Variants in ADCY1 observed in about 807,000 individuals in gnomAD.
ADCY1 encodes adenylate cyclase 1, also known as adenylate cyclase type 1.
ADCY1 carries 28 observed loss-of-function variants against 105.4 expected under a neutral mutation model. That is an observed-to-expected ratio of 0.27 (90% confidence interval 0.20 to 0.36). The LOEUF (loss-of-function observed/expected upper bound fraction) is 0.36. ADCY1 is among the 10% of genes least tolerant of loss of function. ADCY1 has a pLI of 1.00. For missense variants in ADCY1, 977 were observed against 1,434.2 expected, an observed-to-expected ratio of 0.68 and a Z score of 5.15; for synonymous variants, 655 against 623.8, an observed-to-expected ratio of 1.05 and a Z score of -0.75.
chr7:45,690,479 A>G (rs1310761069), intron 14 of ADCY1, among the ~76,000 whole-genome samples: 2 of 152,188 alleles, frequency 1.3e-5, no homozygotes, highest in East Asian at 3.9e-4. Context: ...GCAAAGAGGA[A>G]CTGGGAATGC....
chr7:45,657,921 G>T, intron 6 of ADCY1, 36 bp downstream of exon 6: 1 of 1,543,600 alleles, frequency 6.5e-7, no homozygotes, highest in Non-Finnish European at 8.8e-7. Context: ...GGAGGGAGGT[G>T]GGTGATGGCT....
intron 3 of ADCY1, among the ~76,000 whole-genome samples, chr7:45,614,028 G>T (rs1158567155): frequency 6.6e-6 from 1 of 152,102 alleles, no homozygotes; most frequent in Non-Finnish European, 1.5e-5. Context: ...TTCTTACATT[G>T]AAATGAAAGG....
intron 7 of ADCY1, among the ~76,000 whole-genome samples, chr7:45,661,223 C>T (rs1221412816): frequency 6.6e-6 from 1 of 152,084 alleles, no homozygotes; most frequent in Non-Finnish European, 1.5e-5. Flanking sequence ...AAGATAGGTA[C>T]AGTATACAGC....
At chr7:45,615,541 G>A (rs1442458869) in intron 3 of ADCY1, among the ~76,000 whole-genome samples, 3 of 152,172 alleles carry the variant, frequency 2.0e-5, no homozygotes, top group Admixed American at 2.0e-4. Context: ...TGAGGCTGCA[G>A]TGAGCTATGA....
chr7:45,577,150 G>C (rs959206134), intron 1 of ADCY1, among the ~76,000 whole-genome samples: 1 of 152,238 alleles, frequency 6.6e-6, no homozygotes, highest in South Asian at 2.1e-4. Context: ...TTCCCTGCTA[G>C]CTGTGACTCC....
At chr7:45,659,922 G>A (rs1330423602) in intron 6 of ADCY1, 120 bp from the exon 7 acceptor site, 25 of 1,302,560 alleles carry the variant, frequency 1.9e-5, no homozygotes, top group South Asian at 1.7e-4. Flanking sequence ...AATACTCCCC[G>A]TGGAGCCTGC....
At chr7:45,657,938 C>A in intron 6 of ADCY1, 53 bp downstream of exon 6, 2 of 1,539,008 alleles carry the variant, frequency 1.3e-6, no homozygotes, top group South Asian at 1.2e-5. Context: ...GGCTGTGCAC[C>A]CCTGGGCTAA....
chr7:45,658,860 G>A (rs912034863), intron 6 of ADCY1, among the ~76,000 whole-genome samples: 1 of 152,222 alleles, frequency 6.6e-6, no homozygotes, highest in African/African-American at 2.4e-5. Flanking sequence ...GAAGCAGCAA[G>A]GGTTGAGGCT....
rs1785336592 is a variant in ADCY1 at position 45,715,057 on chromosome 7, G to A, written c.*1062G>A. ...AATTGGCTGATGGTCGTGAGTGCAGGTGTCCCTGTTGTAATTTGCAGGGAA... is the reference window on the plus strand; with the variant it reads ...AATTGGCTGATGGTCGTGAGTGCAGATGTCCCTGTTGTAATTTGCAGGGAA... On this transcript the variant is annotated 3_prime_UTR_variant, in exon 20 of 20. Coordinates refer to ENST00000297323, the MANE Select transcript of ADCY1 (RefSeq NM_021116.4). 6.6e-6 allele frequency: 1 copy of A among 152,258 alleles called. No homozygotes were observed. Among genetic ancestry groups the A allele is most frequent in the South Asian group, 2.1e-4 (1 of 4,832 alleles). 9.4% of individuals were successfully genotyped at this position (152,258 alleles called of 1,614,324 possible).
chr7:45,711,201 C>G (rs1269768785), intron 19 of ADCY1, among the ~76,000 whole-genome samples: 1 of 152,160 alleles, frequency 6.6e-6, no homozygotes, highest in Non-Finnish European at 1.5e-5. Context: ...AAATTTGAAA[C>G]TTGACTCGGT....
chr7:45,692,458 AG>A (rs1488533614), intron 14 of ADCY1, among the ~76,000 whole-genome samples: 1 of 152,216 alleles, frequency 6.6e-6, no homozygotes, highest in Admixed American at 6.5e-5. Context: ...AAATGTAGAC[AG>A]GACCCTGACC....
intron 5 of ADCY1, among the ~76,000 whole-genome samples, chr7:45,654,533 T>C (rs1222167461): frequency 6.6e-6 from 1 of 152,238 alleles, no homozygotes; most frequent in African/African-American, 2.4e-5. Flanking sequence ...CGAGAAGGGA[T>C]GCCTGCTGGC....
chr7:45,709,456 G>C (rs1785184216), intron 18 of ADCY1, among the ~76,000 whole-genome samples: 1 of 152,178 alleles, frequency 6.6e-6, no homozygotes, highest in Non-Finnish European at 1.5e-5. Context: ...TCTTTATGTG[G>C]GTGGGGAGTC....
intron 4 of ADCY1, among the ~76,000 whole-genome samples, chr7:45,624,879 C>T (rs1434149781): frequency 6.6e-6 from 1 of 152,196 alleles, no homozygotes; most frequent in Non-Finnish European, 1.5e-5. Flanking sequence ...GCCCTCCACT[C>T]CTAGCATCTG....
intron 19 of ADCY1, among the ~76,000 whole-genome samples, chr7:45,713,301 G>T (rs567883904): frequency 2.0e-5 from 3 of 152,324 alleles, no homozygotes; most frequent in Non-Finnish European, 2.9e-5. Flanking sequence ...CTCACATCCA[G>T]ACCCTGGTGC....
chr7:45,581,994 G>A (rs530675052), intron 1 of ADCY1, among the ~76,000 whole-genome samples: 2 of 152,078 alleles, frequency 1.3e-5, no homozygotes, highest in African/African-American at 2.4e-5. Flanking sequence ...ACCCACTTGC[G>A]TGCATGCACT....
chr7:45,622,738 G>A lies in ADCY1; in HGVS notation c.1015G>A (p.Ala339Thr). The change falls in exon 4 of 20, where the codon GCC becomes ACC. Residue 339 changes from alanine (A) to threonine (T), a missense_variant. Physicochemically the swap from Ala to Thr is moderately conservative, Grantham distance 58. Transcript: ENST00000297323. ...NELFGKFDELATENHCRRIKI... is the reference protein window; with the variant it reads ...NELFGKFDELTTENHCRRIKI... ...GCTCTTCGGCAAGTTCGATGAATTA[G>A]CCACGGTAAGTGCAGCGTTTTTCTT... 6.2e-7 allele frequency: 1 copy of A among 1,610,196 alleles called. No homozygotes were observed.
chr7:45,708,314 TC>T lies in ADCY1; in HGVS notation c.2818-32del. ...TCCCTGGCCCCCTCTTGCCTTGCAC[TC>T]CCCAGATGTAATGACCCCATCTGTT... is the stretch of plus-strand genomic sequence containing the variant. On this transcript the variant is annotated intron_variant, in intron 17 of 19. Coordinates refer to ENST00000297323, the MANE Select transcript of ADCY1 (RefSeq NM_021116.4). The surrounding 1 kb of genome is among the most constrained non-coding windows in gnomAD (Gnocchi z 4.7). 1.3e-6 allele frequency: 2 copies of T among 1,532,406 alleles called. No homozygotes were observed. The highest frequency in any genetic ancestry group is 2.3e-5 in the South Asian group (2 of 88,230). The allele number at this position is 1,532,406 out of a possible 1,614,324, so 94.9% of individuals were successfully genotyped here.
At position 45,719,013 on chromosome 7, in the gene ADCY1, CTG is replaced by C. The variant is rs1388078114; in HGVS notation, c.*5021_*5022del. The C allele has an allele frequency of 1.3e-5, 2 of 152,876 alleles. No homozygotes were observed. Among genetic ancestry groups the C allele is most frequent in the African/African-American group, 4.8e-5 (2 of 41,470 alleles). The allele number at this position is 152,876 out of a possible 1,614,324, so 9.5% of individuals were successfully genotyped here. ...GGGGTTTGTCTGTAAGCTGCAGTGT[CTG>C]TGATTCTGTGTGAACTGACAGCAGG... On this transcript the variant is annotated 3_prime_UTR_variant, in exon 20 of 20. Transcript: ENST00000297323.
Sources: gnomAD v4.1 joint callset for allele counts (sites outside exome capture counted in the v4.1 genomes callset) on GRCh38, gnomAD v4.1.1 for gene constraint, Gnocchi (gnomAD v3.1) non-coding constraint, MANE v1.5 for transcripts, NCBI Gene and HGNC (gene_info 2026-07-23, HGNC 2026-07-21) for gene names.